Variants in PPP1R9A observed in about 807,000 individuals in gnomAD.
PPP1R9A encodes the protein protein phosphatase 1 regulatory subunit 9A.
In PPP1R9A, 59 loss-of-function variants were observed where a neutral mutation model predicts 141.9. The observed-to-expected ratio is 0.42, with a 90% confidence interval of 0.34 to 0.52. The LOEUF is 0.52. Among genes scored for constraint, PPP1R9A ranks in the 20% least tolerant of loss-of-function variants. The probability of loss-of-function intolerance (pLI) is 0.10; values close to 1 mark genes in which losing one functional copy is unlikely to be tolerated. For synonymous variants in PPP1R9A, 500 were observed against 569.7 expected (o/e 0.88, Z 1.74); for missense variants, 1,444 against 1,611.9 (o/e 0.90, Z 1.78).
intron 7 of PPP1R9A, 88 bp from the exon 8 acceptor site, chr7:95,225,873 C>A: frequency 7.1e-7 from 1 of 1,402,884 alleles, no homozygotes; most frequent in Non-Finnish European, 9.7e-7. Flanking sequence ...GGGTACATGT[C>A]TTACTTGTCT....
chr7:95,153,463 A>G (rs775415658), intron 4 of PPP1R9A, among the ~76,000 whole-genome samples: 5 of 152,204 alleles, frequency 3.3e-5, no homozygotes, highest in African/African-American at 4.8e-5. Flanking sequence ...TGATCAATAC[A>G]CTATTATCAG....
At chr7:94,968,414 C>T (rs549317588) in intron 2 of PPP1R9A, among the ~76,000 whole-genome samples, 1 of 152,234 alleles carries the variant, frequency 6.6e-6, no homozygotes, top group East Asian at 1.9e-4. Flanking sequence ...CCTCGTGATC[C>T]ACCCGCCTCG....
chr7:95,078,832 T>TAC (rs1409250345), intron 2 of PPP1R9A, among the ~76,000 whole-genome samples: 11 of 151,882 alleles, frequency 7.2e-5, no homozygotes, highest in Admixed American at 6.6e-4. Context: ...GGGTTGTTTG[T>TAC]TTTTTTCTTG....
At chr7:95,035,961 C>T (rs190481794) in intron 2 of PPP1R9A, 10 of 152,198 alleles carry the variant, frequency 6.6e-5, no homozygotes, top group African/African-American at 2.4e-4. Context: ...GGAAAAGCTT[C>T]GATTGTCTAT....
chr7:95,081,945 G>A (rs536208225), intron 2 of PPP1R9A, among the ~76,000 whole-genome samples: 9 of 152,226 alleles, frequency 5.9e-5, no homozygotes, highest in East Asian at 5.8e-4. Context: ...CTGAAATCAC[G>A]GTGAAAACCA....
chr7:95,033,064 G>A (rs1807905905), intron 2 of PPP1R9A, among the ~76,000 whole-genome samples: 1 of 151,968 alleles, frequency 6.6e-6, no homozygotes, highest in East Asian at 1.9e-4. Context: ...GAGTGTAGTG[G>A]CATGCTGTTG....
intron 2 of PPP1R9A, among the ~76,000 whole-genome samples, chr7:95,107,545 G>A (rs1312424726): frequency 6.6e-6 from 1 of 151,864 alleles, no homozygotes. Flanking sequence ...TTTTCTTTGT[G>A]ATATAAATAG....
At chr7:95,106,113 A>C (rs1335732722) in intron 2 of PPP1R9A, among the ~76,000 whole-genome samples, 2 of 152,148 alleles carry the variant, frequency 1.3e-5, no homozygotes, top group Non-Finnish European at 2.9e-5. Flanking sequence ...TTTAAATTTA[A>C]TTTAAAAAAA....
intron 2 of PPP1R9A, among the ~76,000 whole-genome samples, chr7:95,050,236 T>C (rs1299448476): frequency 6.6e-6 from 1 of 152,218 alleles, no homozygotes; most frequent in African/African-American, 2.4e-5. Context: ...CCTAATGACA[T>C]ATGTGGAGCA....
intron 5 of PPP1R9A, among the ~76,000 whole-genome samples, chr7:95,166,148 CAAAA>C (rs201112181): frequency 1.9e-5 from 2 of 104,432 alleles, no homozygotes; most frequent in Non-Finnish European, 4.0e-5. Context: ...AACTCCATTT[CAAAA>C]AAAAAAAAAA....
At chr7:94,946,845 C>T (rs1312730710) in intron 2 of PPP1R9A, among the ~76,000 whole-genome samples, 1 of 152,146 alleles carries the variant, frequency 6.6e-6, no homozygotes. Context: ...TGTCTGTTTA[C>T]TGTTTGAACT....
chr7:95,043,046 T>C (rs1809488071), intron 2 of PPP1R9A, among the ~76,000 whole-genome samples: 1 of 152,214 alleles, frequency 6.6e-6, no homozygotes, highest in Non-Finnish European at 1.5e-5. Context: ...TTTGCTACTA[T>C]GCAGTCCCTG....
intron 4 of PPP1R9A, among the ~76,000 whole-genome samples, chr7:95,146,478 T>C: frequency 6.6e-6 from 1 of 152,256 alleles, no homozygotes; most frequent in East Asian, 1.9e-4. Context: ...TTTCTTTTGC[T>C]GTGCAGAAGC....
intron 2 of PPP1R9A, chr7:95,036,769 T>A (rs1006580491): frequency 6.6e-6 from 1 of 152,224 alleles, no homozygotes; most frequent in Non-Finnish European, 1.5e-5. Context: ...CGAATTCTCA[T>A]CCAGAATTTG....
In PPP1R9A at chr7:95,179,805, A is replaced by C. The variant is rs575947660; in HGVS notation, c.1754+17834A>C. Among the ~76,000 whole-genome samples, 23 of 147,132 alleles carry C rather than the reference A, an allele frequency of 1.6e-4. No individual in the cohort carries two copies. In the East Asian group the frequency reaches 3.4e-3, roughly 22 times the overall value. On this transcript the variant is annotated intron_variant, in intron 5 of 19. Transcript: ENST00000433360. ...AAAAAAAAAAAAAAAAATACGTAGG[A>C]ATATACCTAACCAAGAAGGGGAAAG...
intron 16 of PPP1R9A, among the ~76,000 whole-genome samples, chr7:95,276,989 G>A (rs1350189921): frequency 6.6e-6 from 1 of 152,074 alleles, no homozygotes. Flanking sequence ...AAAGTCTGTG[G>A]GCTGTAAGCA....
intron 10 of PPP1R9A, among the ~76,000 whole-genome samples, chr7:95,250,630 A>G (rs1472625719): frequency 3.2e-4 from 49 of 152,196 alleles, no homozygotes; most frequent in Admixed American, 3.1e-3. Context: ...GGAGCACGCA[A>G]GCCACAGCTG....
chr7:94,940,493 A>T (rs1287611703), intron 2 of PPP1R9A, among the ~76,000 whole-genome samples: 1 of 152,090 alleles, frequency 6.6e-6, no homozygotes, highest in East Asian at 1.9e-4. Context: ...CTGTGAGCCA[A>T]AGATGATGCT....
chr7:95,041,700 ATATT>A (rs2151911586), intron 2 of PPP1R9A, among the ~76,000 whole-genome samples: 1 of 152,272 alleles, frequency 6.6e-6, no homozygotes, highest in East Asian at 1.9e-4. Context: ...GAATAATTGA[ATATT>A]TATTGACATG....
Sources: allele counts gnomAD v4.1 joint callset (sites outside exome capture counted in the v4.1 genomes callset), GRCh38; gene constraint gnomAD v4.1.1; transcripts MANE v1.5; gene names NCBI Gene and HGNC (gene_info 2026-07-23, HGNC 2026-07-21).